The following EXOC4 variants were observed in gnomAD, a reference collection of about 807,000 sequenced individuals.
EXOC4 encodes SEC8-like 1.
In EXOC4, 71 loss-of-function variants were observed where a neutral mutation model predicts 107.2. The observed-to-expected ratio is 0.66, with a 90% CI of 0.55 to 0.81. EXOC4 has a LOEUF of 0.81. Among genes scored for constraint, EXOC4 ranks in the 30% least tolerant of loss-of-function variants. The pLI is 0.00. For missense variants in EXOC4, 1,108 were observed against 1,189.6 expected (o/e 0.93, Z 1.01); for synonymous variants, 456 against 441.2 (o/e 1.03, Z -0.42).
chr7:133,343,883 A>G (rs1284534105), intron 5 of EXOC4, among the ~76,000 whole-genome samples: 1 of 150,608 alleles, frequency 6.6e-6, no homozygotes, highest in South Asian at 2.1e-4. Context: ...GTGCAATCAT[A>G]CCTCTCTGCA....
Position 133,619,284 on chromosome 7 carries a change from A to T in EXOC4, c.1418-10761A>T, listed in dbSNP as rs1802270111. Among the ~76,000 whole-genome samples, 3 of 152,194 alleles carry T rather than the reference A, an allele frequency of 2.0e-5. No individual in the cohort carries two copies. In the South Asian group the frequency reaches 6.2e-4, roughly 32 times the overall value. Reference sequence around the variant, plus strand: ...CGGCTTCTCTTAGTCATTTTGAGTTATGCTTGTTATGCCAATCCGTTCAAA... The same window carrying T: ...CGGCTTCTCTTAGTCATTTTGAGTTTTGCTTGTTATGCCAATCCGTTCAAA... On this transcript the variant is annotated intron_variant, in intron 9 of 17. Coordinates refer to ENST00000253861, the MANE Select transcript of EXOC4 (RefSeq NM_021807.4).
chr7:133,641,934 G>A (rs147206567), intron 10 of EXOC4, among the ~76,000 whole-genome samples: 5 of 152,132 alleles, frequency 3.3e-5, no homozygotes, highest in African/African-American at 1.2e-4. Flanking sequence ...AAATTGATAC[G>A]AGGATTTCAC....
At chr7:133,917,513 G>A in intron 12 of EXOC4, 70 bp from the exon 13 acceptor site, 1 of 1,474,832 alleles carries the variant, frequency 6.8e-7, no homozygotes, top group Non-Finnish European at 9.3e-7. Flanking sequence ...CTGCAGCAAA[G>A]GTAGATGAAA....
chr7:134,024,929 T>C (rs1317171959), intron 17 of EXOC4, among the ~76,000 whole-genome samples: 1 of 152,222 alleles, frequency 6.6e-6, no homozygotes, highest in Non-Finnish European at 1.5e-5. Context: ...CCTGGTGTTC[T>C]GTGTTTAGCA....
intron 10 of EXOC4, among the ~76,000 whole-genome samples, chr7:133,632,423 G>A (rs181788197): frequency 1.3e-5 from 2 of 152,274 alleles, no homozygotes; most frequent in Admixed American, 6.5e-5. Flanking sequence ...TTGATAAACG[G>A]ATGACTATGA....
chr7:133,486,032 A>G (rs1252918426), intron 9 of EXOC4, among the ~76,000 whole-genome samples: 1 of 152,034 alleles, frequency 6.6e-6, no homozygotes, highest in African/African-American at 2.4e-5. Flanking sequence ...TTTTATTTCC[A>G]TTAGTTTAAT....
At chr7:133,599,436 A>G (rs1045309680) in intron 9 of EXOC4, among the ~76,000 whole-genome samples, 1 of 152,110 alleles carries the variant, frequency 6.6e-6, no homozygotes, top group African/African-American at 2.4e-5. Context: ...CTTTCACTTT[A>G]TCATCCTTTT....
At position 133,963,172 on chromosome 7, in the gene EXOC4, G is replaced by A. The variant is rs151034141; in HGVS notation, c.2206+25103G>A. 3.4e-3 allele frequency among the ~76,000 whole-genome samples: 523 copies of A among 152,332 alleles called. 2 individuals are homozygous for A. The highest frequency in any genetic ancestry group is 4.3e-3 in the Non-Finnish European group (294 of 68,030). On this transcript the variant is annotated intron_variant, in intron 14 of 17. Coordinates refer to ENST00000253861, the MANE Select transcript of EXOC4 (RefSeq NM_021807.4). ...TAATCACTCACGGCAGTTGTGCCTC[G>A]TCCCACTTCCCTAGATCAGGTATCA...
intron 9 of EXOC4, among the ~76,000 whole-genome samples, chr7:133,588,474 A>AT (rs1000262465): frequency 1.6e-4 from 25 of 152,202 alleles, no homozygotes; most frequent in South Asian, 6.2e-4. Context: ...ATACTAGCAG[A>AT]TTTTTTTTGC....
At chr7:133,829,518 T>G (rs1278211577) in intron 11 of EXOC4, among the ~76,000 whole-genome samples, 2 of 152,190 alleles carry the variant, frequency 1.3e-5, no homozygotes, top group East Asian at 3.9e-4. Context: ...CTGCCTGAGA[T>G]TCAGTGAGCC....
At chr7:133,592,437 A>G (rs951169918) in intron 9 of EXOC4, among the ~76,000 whole-genome samples, 5 of 152,134 alleles carry the variant, frequency 3.3e-5, no homozygotes, top group African/African-American at 4.8e-5. Flanking sequence ...ATTGGTAGTT[A>G]TTAATTTTTT....
chr7:133,282,372 C>G (rs1794176621), intron 2 of EXOC4, among the ~76,000 whole-genome samples: 1 of 152,158 alleles, frequency 6.6e-6, no homozygotes, highest in Non-Finnish European at 1.5e-5. Flanking sequence ...TCTGAGAAAG[C>G]AAAGGAAATT....
At chr7:133,475,248 G>T (rs1011929737) in intron 7 of EXOC4, 80 bp from the exon 8 acceptor site, 70 of 1,220,824 alleles carry the variant, frequency 5.7e-5, no homozygotes, top group Middle Eastern at 2.0e-4. Flanking sequence ...AATTAGATTT[G>T]CATGGTTTTA....
intron 7 of EXOC4, among the ~76,000 whole-genome samples, chr7:133,422,645 C>T (rs1390370318): frequency 6.6e-6 from 1 of 152,048 alleles, no homozygotes; most frequent in Non-Finnish European, 1.5e-5. Context: ...GTTTTACTGG[C>T]TCATGGAGCT....
chr7:133,418,083 CATAAAG>C (rs1364524264), intron 7 of EXOC4, among the ~76,000 whole-genome samples: 1 of 152,194 alleles, frequency 6.6e-6, no homozygotes, highest in East Asian at 1.9e-4. Context: ...TCACTCATCT[CATAAAG>C]ATAATGTCAT....
chr7:133,549,034 T>A (rs571709861), intron 9 of EXOC4, among the ~76,000 whole-genome samples: 1 of 152,224 alleles, frequency 6.6e-6, no homozygotes, highest in South Asian at 2.1e-4. Context: ...GACAGAGTCT[T>A]GCTTTGTCAC....
chr7:133,527,644 G>A (rs1191756335), intron 9 of EXOC4, among the ~76,000 whole-genome samples: 1 of 152,104 alleles, frequency 6.6e-6, no homozygotes, highest in Admixed American at 6.5e-5. Flanking sequence ...TTGTGTAGAA[G>A]AGAAAAATTG....
chr7:133,302,200 C>T (rs1187475138), intron 3 of EXOC4, among the ~76,000 whole-genome samples: 1 of 152,116 alleles, frequency 6.6e-6, no homozygotes, highest in African/African-American at 2.4e-5. Flanking sequence ...TTTCTAATAG[C>T]AAAACATGCT....
chr7:133,349,455 C>G (rs1795859479), intron 5 of EXOC4, among the ~76,000 whole-genome samples: 1 of 152,136 alleles, frequency 6.6e-6, no homozygotes, highest in Non-Finnish European at 1.5e-5. Flanking sequence ...ATAATGTACT[C>G]AAGGTTCATC....
Sources: allele counts gnomAD v4.1 joint callset (sites outside exome capture counted in the v4.1 genomes callset), GRCh38; gene constraint gnomAD v4.1.1; transcripts MANE v1.5; gene names NCBI Gene and HGNC (gene_info 2026-07-23, HGNC 2026-07-21).